SFI1: variants seen among roughly 807,000 people sequenced by gnomAD.
SFI1 encodes the protein SFI1 centrin binding protein.
In SFI1, 195 loss-of-function variants were observed where a neutral mutation model predicts 207.5. That is an observed-to-expected ratio of 0.94 (90% CI 0.84 to 1.06). The LOEUF (loss-of-function observed/expected upper bound fraction) is 1.06, where lower values mean the gene tolerates loss of function less well. Among genes scored for constraint, SFI1 ranks in the 50% least tolerant of loss-of-function variants. The pLI, the probability that SFI1 is intolerant of heterozygous loss-of-function variation, is 0.00. For synonymous variants in SFI1, 630 were observed against 598.9 expected, an observed-to-expected ratio of 1.05 and a Z score of -0.76; for missense variants, 1,634 against 1,588.0, an observed-to-expected ratio of 1.03 and a Z score of -0.49.
chr22:31,588,826 AAAAAACAAC>A (rs1051962109), intron 14 of SFI1, among the ~76,000 whole-genome samples: 1 of 150,122 alleles, frequency 6.7e-6, no homozygotes, highest in African/African-American at 2.4e-5. Context: ...AAAAAAAAAC[AAAAAACAAC>A]AAAAAAAACA....
intron 13 of SFI1, 65 bp from the exon 14 acceptor site, chr22:31,585,003 T>C: frequency 6.7e-7 from 1 of 1,487,226 alleles, no homozygotes; most frequent in Non-Finnish European, 9.3e-7. Context: ...TGTACCGCAA[T>C]TTACCTGCCT....
chr22:31,577,366 G>A (rs753479436), intron 10 of SFI1, among the ~76,000 whole-genome samples: 29 of 152,184 alleles, frequency 1.9e-4, no homozygotes, highest in Non-Finnish European at 5.9e-5. Context: ...GGTAGGGATG[G>A]TGGGAAGGTA....
At chr22:31,614,521 AC>A (rs1251772680) in intron 27 of SFI1, 5 of 651,884 alleles carry the variant, frequency 7.7e-6, no homozygotes, top group Non-Finnish European at 1.4e-5. Flanking sequence ...TGTGACATGG[AC>A]CCTGGCGACC....
upstream of SFI1, chr22:31,496,181 G>C (rs773444807): frequency 4.6e-5 from 7 of 152,306 alleles, no homozygotes; most frequent in African/African-American, 9.6e-5. Context: ...CCGCCTCCCA[G>C]CTGGAACCTC....
intron 4 of SFI1, among the ~76,000 whole-genome samples, chr22:31,536,897 G>T (rs1194179380): frequency 1.1e-4 from 16 of 144,804 alleles, no homozygotes; most frequent in East Asian, 4.0e-4. Flanking sequence ...TCTGTTTTTT[G>T]TTTTTTTTTT....
Position 31,528,747 on chromosome 22 carries a change from G to A in SFI1, c.150G>A (p.Lys50=). The part of the protein sequence containing the change: ...KPYSAKTLSN[K]KSSASFGIRR... ...ATTCTGCAAAGACACTGTCCAACAA[G>A]AAGTCTTCTGCATCCTTTGGGATCC... The change falls in exon 3 of 33, where the codon AAG becomes AAA. Residue 50 remains lysine, a synonymous_variant. Transcript: ENST00000400288. The A allele has an allele frequency of 6.2e-7, 1 of 1,614,176 alleles. No homozygotes were observed. The highest frequency in any genetic ancestry group is 8.5e-7 in the Non-Finnish European group (1 of 1,180,016).
intron 8 of SFI1, among the ~76,000 whole-genome samples, chr22:31,571,793 A>T (rs944655834): frequency 1.3e-4 from 20 of 152,176 alleles, no homozygotes; most frequent in African/African-American, 4.8e-4. Flanking sequence ...TTTAATATTG[A>T]TATAATATAT....
rs368742842 is a variant in SFI1, at chr22:31,578,350, T to C, written c.1085-32T>C. The C allele has an allele frequency of 3.2e-5, 51 of 1,606,954 alleles. No homozygotes were observed. In the African/African-American group the frequency reaches 4.5e-4, roughly 14 times the overall value. Reference sequence around the variant, plus strand: ...ATGCACTGTGTAGGGGTCAGAACCTTGTTGGGACTGGAGGCCTTCACTTCC... The same window carrying C: ...ATGCACTGTGTAGGGGTCAGAACCTCGTTGGGACTGGAGGCCTTCACTTCC... On this transcript the variant is annotated intron_variant, in intron 10 of 32. Transcript: ENST00000400288.
chr22:31,546,714 G>C, intron 4 of SFI1, 147 bp from the exon 5 acceptor site: 2 of 251,192 alleles, frequency 8.0e-6, no homozygotes, highest in East Asian at 9.6e-5. Flanking sequence ...TGATCCACCC[G>C]CCTCAGCCTC....
intron 1 of SFI1, among the ~76,000 whole-genome samples, chr22:31,500,430 G>A (rs1022651440): frequency 3.3e-5 from 5 of 152,102 alleles, no homozygotes; most frequent in Non-Finnish European, 7.3e-5. Context: ...ATAATTGTTA[G>A]CATTTTTTAG....
intron 15 of SFI1, 48 bp from the exon 16 acceptor site, chr22:31,602,154 TGTTTGGGTTA>T: frequency 2.1e-6 from 3 of 1,408,250 alleles, no homozygotes; most frequent in Non-Finnish European, 3.0e-6. Context: ...CTTCTAGTTC[TGTTTGGGTTA>T]ATTTTTATGT....
intron 4 of SFI1, among the ~76,000 whole-genome samples, chr22:31,536,780 T>C (rs2059030237): frequency 6.6e-6 from 1 of 152,202 alleles, no homozygotes; most frequent in South Asian, 2.1e-4. Context: ...GAACCTCTTT[T>C]CAAATAATGC....
At chr22:31,599,682 C>T (rs1007524095) in intron 15 of SFI1, among the ~76,000 whole-genome samples, 20 of 151,276 alleles carry the variant, frequency 1.3e-4, no homozygotes, top group Non-Finnish European at 2.2e-4. Context: ...CACTATGTCA[C>T]CCAGTCTGGT....
intron 7 of SFI1, chr22:31,559,994 A>C (rs1370025525): frequency 1.6e-5 from 6 of 369,552 alleles, no homozygotes; most frequent in Non-Finnish European, 3.1e-5. Context: ...AATATAAATA[A>C]AGTAATAAAT....
intron 15 of SFI1, among the ~76,000 whole-genome samples, chr22:31,595,544 C>T (rs927473511): frequency 6.6e-6 from 1 of 152,158 alleles, no homozygotes; most frequent in Non-Finnish European, 1.5e-5. Flanking sequence ...TCTTCTTGAT[C>T]AAGAGGAAGA....
At chr22:31,562,983 T>TTATATATATATA (rs56072629) in intron 8 of SFI1, among the ~76,000 whole-genome samples, 7 of 142,302 alleles carry the variant, frequency 4.9e-5, no homozygotes, top group Non-Finnish European at 1.1e-4. Context: ...TCATCATCTT[T>TTATATATATATA]TATATATATA....
rs545008060 is a variant in SFI1, at chr22:31,524,662, G to C, written c.93-4028G>C. 5.4e-5 allele frequency among the ~76,000 whole-genome samples: 8 copies of C among 148,936 alleles called. No individual in the cohort carries two copies. In the South Asian group the frequency reaches 1.7e-3, roughly 32 times the overall value. On this transcript the variant is annotated intron_variant, in intron 2 of 32. Transcript: ENST00000400288. ...ATTCCTGGACCGAAGCCATCTGCCTGTCTCAGCTTCCCAAAGTTGCCCCTT... is the reference window on the plus strand; with the variant it reads ...ATTCCTGGACCGAAGCCATCTGCCTCTCTCAGCTTCCCAAAGTTGCCCCTT...
At chr22:31,523,048 C>T (rs1025773783) in intron 2 of SFI1, among the ~76,000 whole-genome samples, 5 of 152,100 alleles carry the variant, frequency 3.3e-5, no homozygotes, top group African/African-American at 1.2e-4. Flanking sequence ...TTGTTTCCAC[C>T]TTTTGGCTAT....
chr22:31,523,277 A>T, intron 2 of SFI1, among the ~76,000 whole-genome samples: 1 of 152,098 alleles, frequency 6.6e-6, no homozygotes, highest in East Asian at 1.9e-4. Context: ...TCCTGTACAG[A>T]TTGTCTTGTT....
Sources: allele counts gnomAD v4.1 joint callset (sites outside exome capture counted in the v4.1 genomes callset), GRCh38; gene constraint gnomAD v4.1.1; transcripts MANE v1.5; gene names NCBI Gene and HGNC (gene_info 2026-07-23, HGNC 2026-07-21).